TSPEAR: variants seen among roughly 807,000 people sequenced by gnomAD.
TSPEAR encodes thrombospondin-type laminin G domain and EAR repeat-containing protein.
TSPEAR carries 69 observed loss-of-function variants against 71.6 expected under a neutral mutation model. That is an observed-to-expected ratio of 0.96 (90% CI 0.79 to 1.18). The LOEUF (loss-of-function observed/expected upper bound fraction) is 1.18. Ranked by LOEUF, TSPEAR falls within the 50% of genes most tolerant of loss-of-function variation. TSPEAR has a pLI of 0.00. For synonymous variants in TSPEAR, 402 were observed against 387.2 expected (o/e 1.04, Z -0.45); for missense variants, 971 against 894.9 (o/e 1.09, Z -1.09).
chr21:44,510,502 C>T (rs1186103960), intron 9 of TSPEAR, among the ~76,000 whole-genome samples: 4 of 152,246 alleles, frequency 2.6e-5, no homozygotes, highest in African/African-American at 7.2e-5. Context: ...GCGACCTGCC[C>T]TCCGCAGCAG....
intron 1 of TSPEAR, among the ~76,000 whole-genome samples, chr21:44,684,516 C>T (rs1986765790): frequency 6.6e-6 from 1 of 152,166 alleles, no homozygotes; most frequent in Non-Finnish European, 1.5e-5. Flanking sequence ...CCTGGGTGAC[C>T]AAGCAAGAAG....
intron 11 of TSPEAR, 128 bp from the exon 12 acceptor site, chr21:44,500,064 G>A (rs1019956678): frequency 2.7e-5 from 26 of 952,592 alleles, no homozygotes; most frequent in Admixed American, 9.7e-5. Context: ...CCATCCCCCC[G>A]ACTGGCACAG....
intron 1 of TSPEAR, among the ~76,000 whole-genome samples, chr21:44,622,907 G>A (rs1982534796): frequency 6.6e-6 from 1 of 152,132 alleles, no homozygotes; most frequent in Admixed American, 6.5e-5. Context: ...ACTTAGTAGT[G>A]CTGTCCTTGT....
intron 1 of TSPEAR, among the ~76,000 whole-genome samples, chr21:44,589,374 C>T (rs1555926100): frequency 6.6e-6 from 1 of 152,178 alleles, no homozygotes; most frequent in African/African-American, 2.4e-5. Flanking sequence ...AGGCTTCTTC[C>T]ACTTCTTGGC....
At chr21:44,514,792 G>A (rs979040860) in intron 9 of TSPEAR, among the ~76,000 whole-genome samples, 14 of 152,062 alleles carry the variant, frequency 9.2e-5, no homozygotes, top group Non-Finnish European at 1.9e-4. Flanking sequence ...TTCCTGGTGG[G>A]ATGGGCAGAA....
At chr21:44,539,608 C>T in intron 2 of TSPEAR, 1 of 1,613,464 alleles carries the variant, frequency 6.2e-7, no homozygotes, top group East Asian at 2.2e-5. Context: ...CGCAGCAGGC[C>T]TGCTGGCAGG....
chr21:44,646,892 C>T, intron 1 of TSPEAR: 1 of 1,613,122 alleles, frequency 6.2e-7, no homozygotes, highest in Non-Finnish European at 8.5e-7. Context: ...TGCCAGCCGG[C>T]CTGCTGTGTG....
chr21:44,537,668 A>G (rs962782479), intron 2 of TSPEAR, among the ~76,000 whole-genome samples: 16 of 152,218 alleles, frequency 1.1e-4, no homozygotes, highest in Non-Finnish European at 2.2e-4. Flanking sequence ...GTTAAATCTA[A>G]GCAATAACAA....
In TSPEAR at chr21:44,647,541, C is replaced by T. The variant is rs1203133536; in HGVS notation, c.82+63892G>A. 2.2e-5 allele frequency: 16 copies of T among 722,180 alleles called. No homozygotes were observed. In the East Asian group the frequency reaches 4.1e-4, roughly 18 times the overall value. The allele number at this position is 722,180 out of a possible 1,614,324, so 44.7% of individuals were successfully genotyped here. ...TCTGGGAAGAGACAACCCACAAATCCCTCAGCAGGTGGACTGTGGCTTTCT... is the reference window on the plus strand; with the variant it reads ...TCTGGGAAGAGACAACCCACAAATCTCTCAGCAGGTGGACTGTGGCTTTCT... On this transcript the variant is annotated intron_variant, in intron 1 of 11. Transcript: ENST00000323084.
intron 1 of TSPEAR, among the ~76,000 whole-genome samples, chr21:44,630,654 A>AAGGGGAGGGCAGGAAGTGG (rs1983202752): frequency 6.7e-6 from 1 of 149,312 alleles, no homozygotes; most frequent in African/African-American, 2.5e-5. Flanking sequence ...GCAGGAAGTG[A>AAGGGGAGGGCAGGAAGTGG]AGGGGAAGTG....
At chr21:44,595,469 T>C (rs1980302744) in intron 1 of TSPEAR, among the ~76,000 whole-genome samples, 1 of 152,226 alleles carries the variant, frequency 6.6e-6, no homozygotes, top group Non-Finnish European at 1.5e-5. Flanking sequence ...TTACTGAATC[T>C]ATATAGTTGA....
At chr21:44,693,121 T>C (rs1461746113) in intron 1 of TSPEAR, among the ~76,000 whole-genome samples, 3 of 152,138 alleles carry the variant, frequency 2.0e-5, no homozygotes, top group African/African-American at 4.8e-5. Context: ...GAATAATCTC[T>C]TCAACAAATG....
chr21:44,557,706 GCC>G, intron 2 of TSPEAR: 1 of 326,780 alleles, frequency 3.1e-6, no homozygotes, highest in Non-Finnish European at 5.7e-6. Context: ...GCAGCTCAAG[GCC>G]AGAGTCCCGA....
In TSPEAR at chr21:44,646,124, C is replaced by CAAAAAAAA. The variant is rs55672014; in HGVS notation, c.82+65301_82+65308dup. On this transcript the variant is annotated intron_variant, in intron 1 of 11. Transcript: ENST00000323084. ...TGGGTGACAGAGCAAGACTCCCTCT[C>CAAAAAAAA]AAAAAAAAAAAAAAAAAAAAAAAAA... Among the ~76,000 whole-genome samples the CAAAAAAAA allele has an allele frequency of 2.0e-3, 61 of 31,234 alleles. 5 individuals are homozygous for CAAAAAAAA. The highest frequency in any genetic ancestry group is 4.5e-3 in the African/African-American group (43 of 9,474). The allele number at this position is 31,234 out of a possible 152,430, so 20.5% of individuals were successfully genotyped here.
chr21:44,573,792 A>T, intron 1 of TSPEAR: 1 of 1,614,052 alleles, frequency 6.2e-7, no homozygotes, highest in South Asian at 1.1e-5. Context: ...GAGCTACAGC[A>T]GCCGCGTCTG....
chr21:44,677,242 G>A, intron 1 of TSPEAR: 2 of 718,314 alleles, frequency 2.8e-6, no homozygotes, highest in South Asian at 1.6e-5. Flanking sequence ...GCTTTGAGAA[G>A]GGCATTGGCA....
chr21:44,524,119 A>AGT (rs2052796100), intron 8 of TSPEAR, among the ~76,000 whole-genome samples: 1 of 148,566 alleles, frequency 6.7e-6, no homozygotes, highest in Non-Finnish European at 1.5e-5. Flanking sequence ...AGTCAGTCAG[A>AGT]TAGTCAGTCA....
At chr21:44,523,559 A>AGGTC (rs1369630994) in intron 8 of TSPEAR, among the ~76,000 whole-genome samples, 1 of 151,582 alleles carries the variant, frequency 6.6e-6, no homozygotes, top group Non-Finnish European at 1.5e-5. Flanking sequence ...TCAGTCAGTA[A>AGGTC]GTCAGTCAGT....
At chr21:44,676,189 G>A in intron 1 of TSPEAR, 1 of 1,259,978 alleles carries the variant, frequency 7.9e-7, no homozygotes, top group Non-Finnish European at 1.2e-6. Flanking sequence ...GCTATTTCTG[G>A]TTTAATCAAT....
Sources: allele counts gnomAD v4.1 joint callset (sites outside exome capture counted in the v4.1 genomes callset), GRCh38; gene constraint gnomAD v4.1.1; transcripts MANE v1.5; gene names NCBI Gene and HGNC (gene_info 2026-07-23, HGNC 2026-07-21).